The following PEAR1 variants were observed in gnomAD, a reference collection of about 807,000 sequenced individuals.
PEAR1 encodes the protein platelet endothelial aggregation receptor 1.
In PEAR1, 113 loss-of-function variants were observed where a neutral mutation model predicts 131.2. The observed-to-expected ratio is 0.86, with a 90% CI of 0.74 to 1.01. The LOEUF is 1.01. Among genes scored for constraint, PEAR1 ranks in the 50% least tolerant of loss-of-function variants. The pLI, the probability that PEAR1 is intolerant of heterozygous loss-of-function variation, is 0.00. For missense variants in PEAR1, 1,408 were observed against 1,391.1 expected (o/e 1.01, Z -0.19); for synonymous variants, 565 against 523.3 (o/e 1.08, Z -1.09).
rs769532616 is a variant in PEAR1, at chr1:156,906,314, G to A, written c.346G>A (p.Ala116Thr). ...AQECVHGRCVAPNQCQCVPGW... is the reference protein window; with the variant it reads ...AQECVHGRCVTPNQCQCVPGW... The stretch of plus-strand genomic sequence containing the variant: ...GGAGTGTGTCCATGGCCGTTGTGTG[G>A]CACCCAATCAGTGCCAATGTGTGCC... The change falls in exon 5 of 23, where the codon GCA becomes ACA. Residue 116 changes from alanine to threonine, a missense_variant. Coordinates refer to ENST00000292357, the MANE Select transcript of PEAR1 (RefSeq NM_001080471.3). 3.0e-5 allele frequency: 49 copies of A among 1,614,046 alleles called. No individual in the cohort carries two copies. Among genetic ancestry groups the A allele is most frequent in the Non-Finnish European group, 4.0e-5 (47 of 1,180,024 alleles).
chr1:156,908,580 C>G lies in PEAR1; in HGVS notation c.1116-75C>G. 1 of 1,380,724 alleles carries G rather than the reference C, an allele frequency of 7.2e-7. No homozygotes were observed. The highest frequency in any genetic ancestry group is 9.6e-7 in the Non-Finnish European group (1 of 1,041,080). The allele number at this position is 1,380,724 out of a possible 1,614,324, so 85.5% of individuals were successfully genotyped here. On this transcript the variant is annotated intron_variant, in intron 9 of 22. Coordinates refer to ENST00000292357, the MANE Select transcript of PEAR1 (RefSeq NM_001080471.3). The surrounding 1 kb of genome is among the most constrained non-coding windows in gnomAD (Gnocchi z 4.2). ...CCCAGCGATGTGCGAATCCCACTGACCACGCGGAGGGGTCGGGAAGCTGCC... is the reference window on the plus strand; with the variant it reads ...CCCAGCGATGTGCGAATCCCACTGAGCACGCGGAGGGGTCGGGAAGCTGCC...
In PEAR1 at chr1:156,913,860, T is replaced by A. The variant is rs2101553122; in HGVS notation, c.2722T>A (p.Ser908Thr). The A allele has an allele frequency of 1.2e-6, 2 of 1,613,240 alleles. No homozygotes were observed. Among genetic ancestry groups the A allele is most frequent in the South Asian group, 2.2e-5 (2 of 90,948 alleles). ...PGPFYNKGLI[S>T]EEELGASVAS... ...CTTTCCTCTATCCTTAGGGCTCATCTCTGAAGAGGAGCTCGGGGCCAGTGT... is the reference window on the plus strand; with the variant it reads ...CTTTCCTCTATCCTTAGGGCTCATCACTGAAGAGGAGCTCGGGGCCAGTGT... The change falls in exon 22 of 23, where the codon TCT (serine) becomes ACT (threonine). Residue 908 changes from serine (S) to threonine (T), a missense_variant. Physicochemically the swap from Ser to Thr is moderately conservative, Grantham distance 58 (BLOSUM62 1). Coordinates refer to ENST00000292357, the MANE Select transcript of PEAR1 (RefSeq NM_001080471.3).
In PEAR1 at chr1:156,915,025, C is replaced by T; in HGVS notation, c.*227C>T. 1.9e-6 allele frequency: 1 copy of T among 514,550 alleles called. No individual in the cohort carries two copies. The highest frequency in any genetic ancestry group is 3.4e-6 in the Non-Finnish European group (1 of 297,054). The allele number at this position is 514,550 out of a possible 1,614,324, so 31.9% of individuals were successfully genotyped here. On this transcript the variant is annotated 3_prime_UTR_variant, in exon 23 of 23. Coordinates refer to ENST00000292357, the MANE Select transcript of PEAR1 (RefSeq NM_001080471.3). Reference sequence around the variant, plus strand: ...CTTTCCCAACCCACTGCTCCCAAGGCCTCCAGGGCCCTGTGTACATAAACT... The same window carrying T: ...CTTTCCCAACCCACTGCTCCCAAGGTCTCCAGGGCCCTGTGTACATAAACT...
chr1:156,905,453 G>C (rs184293250), intron 4 of PEAR1, 29 bp downstream of exon 4: 52 of 1,568,708 alleles, frequency 3.3e-5, no homozygotes, highest in South Asian at 7.0e-5. Context: ...TAGGGAGCGG[G>C]GTGGGGCAAT....
At chr1:156,909,146 G>T (rs1014307695) in intron 11 of PEAR1, 110 bp downstream of exon 11, 20 of 1,419,954 alleles carry the variant, frequency 1.4e-5, no homozygotes, top group Non-Finnish European at 1.8e-5. Flanking sequence ...GCAGGGTAAG[G>T]GTGGAGGGGC....
At position 156,906,783 on chromosome 1, in the gene PEAR1, T is replaced by G. The variant is rs745571789; in HGVS notation, c.547T>G (p.Tyr183Asp). ...NCLQPCTPGY[Y>D]GPACQFRCQC... ...CCTTCAGCCCTGTACCCCTGGCTAC[T>G]ATGGCCCTGCCTGCCAGTTCCGCTG... The change falls in exon 6 of 23, where the codon TAT becomes GAT. Residue 183 changes from tyrosine to aspartate, a missense_variant. Tyr to Asp is a radical substitution (Grantham distance 160). Coordinates refer to ENST00000292357, the MANE Select transcript of PEAR1 (RefSeq NM_001080471.3). 1 of 1,614,228 alleles carries G rather than the reference T, an allele frequency of 6.2e-7. No homozygotes were observed. Among genetic ancestry groups the G allele is most frequent in the South Asian group, 1.1e-5 (1 of 91,086 alleles).
chr1:156,905,195 G>A (rs1650130193), intron 3 of PEAR1, 129 bp from the exon 4 acceptor site: 1 of 1,119,210 alleles, frequency 8.9e-7, no homozygotes. Context: ...CCTCAAACAG[G>A]GAATGCGCTT....
intron 15 of PEAR1, among the ~76,000 whole-genome samples, chr1:156,911,062 T>TTTCTTTC (rs1349464237): frequency 8.8e-6 from 1 of 113,200 alleles, no homozygotes; most frequent in Non-Finnish European, 1.6e-5. Flanking sequence ...TCTTTCTTTC[T>TTTCTTTC]TTCTTTCTTT....
rs1005542559 is a variant in PEAR1 at position 156,908,850 on chromosome 1, A to C, written c.1290+21A>C. On this transcript the variant is annotated intron_variant, in intron 10 of 22. Transcript: ENST00000292357. This position sits in a 1 kb window ranked among gnomAD's most constrained non-coding sequence, Gnocchi z 4.2. ...ACACGGTGAGGCGCGCCCGGCTGCA[A>C]GGAAGCGAGGCAGGTGGAGAGGCCA... is the stretch of plus-strand genomic sequence containing the variant. 5.6e-6 allele frequency: 9 copies of C among 1,606,158 alleles called. No individual in the cohort carries two copies. Among genetic ancestry groups the C allele is most frequent in the Middle Eastern group, 1.6e-4 (1 of 6,072 alleles).
chr1:156,910,465 C>G lies in PEAR1; in HGVS notation c.1825+85C>G, dbSNP rs1464427414. The G allele has an allele frequency of 1.9e-6, 3 of 1,540,894 alleles. No homozygotes were observed. In the South Asian group the frequency reaches 3.7e-5, roughly 19 times the overall value. On this transcript the variant is annotated intron_variant, in intron 14 of 22. Coordinates refer to ENST00000292357, the MANE Select transcript of PEAR1 (RefSeq NM_001080471.3). The stretch of plus-strand genomic sequence containing the variant: ...GCCAGAGCACCCCTCCCCCCGCGCC[C>G]GCCGCCCACCTCTCCCACCTTACCC...
chr1:156,905,189 A>G (rs1650127721), intron 3 of PEAR1, 135 bp from the exon 4 acceptor site: 1 of 1,105,670 alleles, frequency 9.0e-7, no homozygotes, highest in Non-Finnish European at 1.3e-6. Context: ...CTGCAACCTC[A>G]AACAGGGAAT....
rs1362661745 is a variant in PEAR1, at chr1:156,910,659, A to C, written c.1867A>C (p.Lys623Gln). The change falls in exon 15 of 23, where the codon AAG (lysine) becomes CAG (glutamine). Residue 623 changes from lysine to glutamine, a missense_variant. Physicochemically the swap from Lys to Gln is moderately conservative, Grantham distance 53 (BLOSUM62 1). Coordinates refer to ENST00000292357, the MANE Select transcript of PEAR1 (RefSeq NM_001080471.3). ...GRYGKRCVPC[K>Q]CANHSFCHPS... ...CTATGGCAAACGCTGTGTGCCCTGC[A>C]AGTGCGCTAACCACTCCTTCTGCCA... 4 of 1,613,950 alleles carry C rather than the reference A, an allele frequency of 2.5e-6. No individual in the cohort carries two copies.
intron 13 of PEAR1, 30 bp downstream of exon 13, chr1:156,910,138 T>C (rs1439114242): frequency 6.2e-7 from 1 of 1,613,710 alleles, no homozygotes; most frequent in Admixed American, 1.7e-5. Flanking sequence ...AGGCCTACTG[T>C]GGATTGGGGG....
chr1:156,906,544 G>A (rs1650324487), intron 5 of PEAR1, 93 bp from the exon 6 acceptor site: 4 of 1,571,364 alleles, frequency 2.5e-6, no homozygotes, highest in Admixed American at 1.8e-5. Flanking sequence ...TGGGCCTGTG[G>A]GGGCTGGGAG....
chr1:156,906,276 C>G lies in PEAR1; in HGVS notation c.308C>G (p.Pro103Arg). ...CTCACCACACCCATCTCTGTCCCAG[C>G]GCTCTGTGCCCAGGAGTGTGTCCAT... ...GFYESRGFCV[P>R]LCAQECVHGR... Residue 103 changes from proline (P) to arginine (R), a missense_variant and splice_region_variant, in exon 5 of 23, where the codon CCG becomes CGG. Coordinates refer to ENST00000292357, the MANE Select transcript of PEAR1 (RefSeq NM_001080471.3). The G allele has an allele frequency of 1.2e-6, 2 of 1,613,938 alleles. No individual in the cohort carries two copies. Among genetic ancestry groups the G allele is most frequent in the East Asian group, 4.5e-5 (2 of 44,904 alleles).
intron 20 of PEAR1, 60 bp downstream of exon 20, chr1:156,913,583 G>A (rs1003507385): frequency 3.5e-5 from 56 of 1,603,864 alleles, no homozygotes; most frequent in African/African-American, 6.7e-5. Flanking sequence ...CAGATGCCGC[G>A]TCTGAGTGTG....
Position 156,913,283 on chromosome 1 carries a change from G to A in PEAR1, c.2511+1G>A. On this transcript the variant is annotated splice_donor_variant, in intron 19 of 22. Transcript: ENST00000292357. LOFTEE classifies it high-confidence loss of function. Reference sequence around the variant, plus strand: ...CCCAAACCCCCCACCCCCTAACAAGGTCAGTGCCGGGGGAGGGGGTGCACT... The same window carrying A: ...CCCAAACCCCCCACCCCCTAACAAGATCAGTGCCGGGGGAGGGGGTGCACT... 1 of 1,603,612 alleles carries A rather than the reference G, an allele frequency of 6.2e-7. No homozygotes were observed. The highest frequency in any genetic ancestry group is 8.5e-7 in the Non-Finnish European group (1 of 1,174,550).
intron 1 of PEAR1, among the ~76,000 whole-genome samples, chr1:156,895,434 C>G (rs1649073491): frequency 6.6e-6 from 1 of 152,204 alleles, no homozygotes; most frequent in Non-Finnish European, 1.5e-5. Context: ...GAGAAAGAGG[C>G]CTCCCAGGAC....
At position 156,904,843 on chromosome 1, in the gene PEAR1, C is replaced by A; in HGVS notation, c.197C>A (p.Pro66His). The A allele has an allele frequency of 6.2e-7, 1 of 1,613,858 alleles. No individual in the cohort carries two copies. The highest frequency in any genetic ancestry group is 8.5e-7 in the Non-Finnish European group (1 of 1,179,856). Residue 66 changes from proline to histidine, a missense_variant, in exon 3 of 23, where the codon CCC becomes CAC. Coordinates refer to ENST00000292357, the MANE Select transcript of PEAR1 (RefSeq NM_001080471.3). ...ERPWEGPHTC[P>H]QPTVVYRTVY... ...CCCTGGGAGGGCCCCCATACTTGCC[C>A]CCAGCCCACGTGAGTGCTCCTCATC...
Sources: gnomAD v4.1 joint callset for allele counts (sites outside exome capture counted in the v4.1 genomes callset) on GRCh38, gnomAD v4.1.1 for gene constraint, Gnocchi (gnomAD v3.1) non-coding constraint, MANE v1.5 for transcripts, NCBI Gene and HGNC (gene_info 2026-07-23, HGNC 2026-07-21) for gene names.